The following NPSR1 variants were observed in gnomAD, a reference collection of about 807,000 sequenced individuals.
NPSR1 encodes neuropeptide S receptor 1.
NPSR1 carries 48 observed loss-of-function variants against 46.9 expected under a neutral mutation model. That is an observed-to-expected ratio of 1.02 (90% CI 0.81 to 1.30). NPSR1 has a LOEUF of 1.30. Among genes scored for constraint, NPSR1 ranks in the 50% most tolerant of loss-of-function variants. The pLI is 0.00. For synonymous variants in NPSR1, 176 were observed against 168.1 expected (o/e 1.05, Z -0.36); for missense variants, 450 against 449.5 (o/e 1.00, Z -0.01).
chr7:34,690,375 A>G (rs912420188), intron 2 of NPSR1, among the ~76,000 whole-genome samples: 2 of 152,200 alleles, frequency 1.3e-5, no homozygotes, highest in African/African-American at 4.8e-5. Context: ...AAAGGATCAC[A>G]CTAACTCTCC....
intron 2 of NPSR1, among the ~76,000 whole-genome samples, chr7:34,712,319 T>C (rs1409707485): frequency 1.3e-5 from 2 of 152,238 alleles, no homozygotes; most frequent in African/African-American, 2.4e-5. Context: ...TTCTCCACTC[T>C]ACTTTTCCAT....
intron 3 of NPSR1, among the ~76,000 whole-genome samples, chr7:34,808,146 C>T (rs1788801950): frequency 6.6e-6 from 1 of 152,150 alleles, no homozygotes; most frequent in East Asian, 1.9e-4. Flanking sequence ...CTGGCAGTCA[C>T]CCGAAGCCAG....
chr7:34,875,031 G>A (rs968391496), intron 8 of NPSR1, among the ~76,000 whole-genome samples: 3 of 152,150 alleles, frequency 2.0e-5, no homozygotes, highest in Admixed American at 6.5e-5. Flanking sequence ...TTAATTGCCT[G>A]CTTCCACCAC....
intron 8 of NPSR1, chr7:34,849,177 G>A (rs1790849759): frequency 4.8e-6 from 3 of 629,550 alleles, no homozygotes; most frequent in African/African-American, 1.8e-5. Context: ...AATTCCATAG[G>A]AGATACAAGA....
intron 2 of NPSR1, among the ~76,000 whole-genome samples, chr7:34,740,702 G>A (rs1784899801): frequency 6.6e-6 from 1 of 152,148 alleles, no homozygotes; most frequent in African/African-American, 2.4e-5. Flanking sequence ...GTTTGGGGGT[G>A]GACAATCTCC....
intron 5 of NPSR1, 200 bp from the exon 6 acceptor site, chr7:34,834,184 G>A: frequency 1.7e-6 from 1 of 578,758 alleles, no homozygotes; most frequent in South Asian, 2.3e-5. Context: ...CCTCACTTAA[G>A]AAAGAAGTAA....
chr7:34,684,829 T>G, intron 2 of NPSR1, 145 bp downstream of exon 2: 1 of 691,904 alleles, frequency 1.4e-6, no homozygotes, highest in Non-Finnish European at 2.3e-6. Flanking sequence ...AAACCTATAT[T>G]TGAATATTTC....
chr7:34,695,509 C>G (rs758565485), intron 2 of NPSR1, among the ~76,000 whole-genome samples: 3 of 149,736 alleles, frequency 2.0e-5, no homozygotes, highest in Admixed American at 1.3e-4. Flanking sequence ...AAATAATCAA[C>G]AAATAGACAG....
intron 2 of NPSR1, among the ~76,000 whole-genome samples, chr7:34,770,226 C>A (rs942351052): frequency 1.3e-5 from 2 of 152,152 alleles, no homozygotes; most frequent in Non-Finnish European, 2.9e-5. Context: ...AAGTAACTCC[C>A]AAGTCCATTC....
At chr7:34,836,125 T>G (rs1223080325) in intron 6 of NPSR1, among the ~76,000 whole-genome samples, 1 of 152,152 alleles carries the variant, frequency 6.6e-6, no homozygotes. Flanking sequence ...CCAGCCCCCA[T>G]GCAGATCCTA....
chr7:34,695,380 T>C (rs1334327656), intron 2 of NPSR1, among the ~76,000 whole-genome samples: 1 of 151,936 alleles, frequency 6.6e-6, no homozygotes, highest in African/African-American at 2.4e-5. Context: ...CTGGGAAAAC[T>C]CTACTGGACA....
At chr7:34,822,198 C>T (rs1424605529) in intron 4 of NPSR1, among the ~76,000 whole-genome samples, 4 of 152,066 alleles carry the variant, frequency 2.6e-5, no homozygotes, top group Non-Finnish European at 5.9e-5. Flanking sequence ...AAGCCCAACG[C>T]GGGAGTCATT....
intron 1 of NPSR1, among the ~76,000 whole-genome samples, chr7:34,682,760 T>C (rs1792710980): frequency 6.6e-6 from 1 of 152,164 alleles, no homozygotes. Context: ...TGCATAACAA[T>C]TAGTTTTTAT....
At position 34,662,210 on chromosome 7, in the gene NPSR1, T is replaced by C. The variant is rs536576560; in HGVS notation, c.147+3651T>C. Among the ~76,000 whole-genome samples, 339 of 152,286 alleles carry C rather than the reference T, an allele frequency of 2.2e-3. 1 individual carries two copies. The highest frequency in any genetic ancestry group is 7.8e-3 in the African/African-American group (326 of 41,568). On this transcript the variant is annotated intron_variant, in intron 1 of 8. Coordinates refer to ENST00000360581, the MANE Select transcript of NPSR1 (RefSeq NM_207172.2). ...AATAACAATCTTTTATTGCGCCTCCTTCGGTGGATAGTTACAAGTGATACA... is the reference window on the plus strand; with the variant it reads ...AATAACAATCTTTTATTGCGCCTCCCTCGGTGGATAGTTACAAGTGATACA...
In NPSR1 at chr7:34,838,588, T is replaced by G. The variant is rs7794853; in HGVS notation, c.757+4128T>G. ...TCAACAAGGGGACATTAGCCATGAT[T>G]AGTGTGAACAGAAGCTCACTTTGTA... On this transcript the variant is annotated intron_variant, in intron 6 of 8. Coordinates refer to ENST00000360581, the MANE Select transcript of NPSR1 (RefSeq NM_207172.2). Among the ~76,000 whole-genome samples the G allele has an allele frequency of 4.3e-3, 652 of 152,306 alleles. 2 individuals are homozygous for G. The highest frequency in any genetic ancestry group is 0.015 in the African/African-American group (606 of 41,572).
At chr7:34,827,776 A>C (rs1408114375) in intron 5 of NPSR1, among the ~76,000 whole-genome samples, 174 bp downstream of exon 5, 1 of 152,184 alleles carries the variant, frequency 6.6e-6, no homozygotes, top group African/African-American at 2.4e-5. Flanking sequence ...CAATTTCTTC[A>C]AAGTAGAGTA....
At chr7:34,876,636 T>C (rs571806296) in intron 8 of NPSR1, among the ~76,000 whole-genome samples, 2 of 152,272 alleles carry the variant, frequency 1.3e-5, no homozygotes, top group East Asian at 3.9e-4. Flanking sequence ...CTAATATTTG[T>C]ATTTAAGTGG....
downstream of NPSR1, among the ~76,000 whole-genome samples, chr7:34,854,850 C>T (rs935481669): frequency 1.3e-5 from 2 of 151,894 alleles, no homozygotes; most frequent in Non-Finnish European, 2.9e-5. Context: ...TTTTTTCAAG[C>T]ACACATGAAG....
At chr7:34,830,985 G>T (rs1790091775) in intron 5 of NPSR1, among the ~76,000 whole-genome samples, 1 of 152,084 alleles carries the variant, frequency 6.6e-6, no homozygotes, top group South Asian at 2.1e-4. Context: ...CACATCCCTT[G>T]TGTCTCATTT....
Sources: gnomAD v4.1 joint callset for allele counts (sites outside exome capture counted in the v4.1 genomes callset) on GRCh38, gnomAD v4.1.1 for gene constraint, MANE v1.5 for transcripts, NCBI Gene and HGNC (gene_info 2026-07-23, HGNC 2026-07-21) for gene names.